The following NR3C2 variants were observed in gnomAD, a reference collection of about 807,000 sequenced individuals.
The protein encoded by NR3C2 is mineralocorticoid receptor.
Under a neutral mutation model 86.4 loss-of-function variants are expected in NR3C2, and 15 were observed. The ratio of observed to expected loss-of-function variants is 0.17; its 90% CI spans 0.12 to 0.27. The LOEUF (loss-of-function observed/expected upper bound fraction) is 0.27, where lower values mean the gene tolerates loss of function less well. Among genes scored for constraint, NR3C2 ranks in the 10% least tolerant of loss-of-function variants. The pLI is 1.00. For synonymous variants in NR3C2, 458 were observed against 450.5 expected, an observed-to-expected ratio of 1.02 and a Z score of -0.21; for missense variants, 960 against 1,195.6, an observed-to-expected ratio of 0.80 and a Z score of 2.91.
chr4:148,190,430 T>G (rs1368871497), intron 4 of NR3C2, among the ~76,000 whole-genome samples: 1 of 152,232 alleles, frequency 6.6e-6, no homozygotes, highest in East Asian at 1.9e-4. Flanking sequence ...TTAAATTTAT[T>G]GAGGCTTGTT....
chr4:148,437,001 T>C (rs1750114455), intron 1 of NR3C2, 139 bp from the exon 2 acceptor site: 1 of 728,716 alleles, frequency 1.4e-6, no homozygotes, highest in Admixed American at 2.6e-5. Flanking sequence ...TTTAAAACTG[T>C]TACCTTTTTG....
chr4:148,226,768 G>T (rs1738189702), intron 3 of NR3C2, among the ~76,000 whole-genome samples: 2 of 152,052 alleles, frequency 1.3e-5, no homozygotes. Context: ...CTTTATCATT[G>T]ATTTCTGGAG....
chr4:148,261,585 T>G (rs913492862), intron 2 of NR3C2, among the ~76,000 whole-genome samples: 1 of 151,750 alleles, frequency 6.6e-6, no homozygotes, highest in African/African-American at 2.4e-5. Context: ...AGAGCCAGAG[T>G]AAGAAAGGGG....
intron 3 of NR3C2, among the ~76,000 whole-genome samples, chr4:148,251,480 G>A (rs554501538): frequency 6.6e-6 from 1 of 152,298 alleles, no homozygotes; most frequent in South Asian, 2.1e-4. Context: ...GCAGCTTCAT[G>A]TCCTAGGACT....
intron 1 of NR3C2, among the ~76,000 whole-genome samples, chr4:148,437,892 G>A (rs1306005141): frequency 5.3e-5 from 8 of 152,070 alleles, no homozygotes; most frequent in Non-Finnish European, 4.4e-5. Flanking sequence ...ATATCCATGC[G>A]CTCTATAGAT....
chr4:148,274,535 C>G (rs1229233452), intron 2 of NR3C2, among the ~76,000 whole-genome samples: 4 of 152,018 alleles, frequency 2.6e-5, no homozygotes, highest in African/African-American at 9.7e-5. Flanking sequence ...CAGCTCCCCC[C>G]TCGCTCTTGC....
chr4:148,153,224 C>T (rs963927080), intron 5 of NR3C2, among the ~76,000 whole-genome samples: 41 of 127,350 alleles, frequency 3.2e-4, no homozygotes, highest in Admixed American at 2.5e-3. Context: ...CTCATTCTGT[C>T]GCCCAGGCTG....
intron 3 of NR3C2, among the ~76,000 whole-genome samples, chr4:148,209,967 G>A (rs920014447): frequency 6.6e-6 from 1 of 152,194 alleles, no homozygotes; most frequent in Non-Finnish European, 1.5e-5. Flanking sequence ...TTGCTACAGA[G>A]CAATGTTCTC....
chr4:148,188,058 C>T (rs188717384), intron 4 of NR3C2, among the ~76,000 whole-genome samples: 24 of 152,250 alleles, frequency 1.6e-4, no homozygotes, highest in Admixed American at 1.2e-3. Flanking sequence ...TTCTCTACTA[C>T]GTTCCAATGG....
intron 2 of NR3C2, among the ~76,000 whole-genome samples, chr4:148,301,477 G>A (rs986490963): frequency 2.0e-5 from 3 of 152,168 alleles, no homozygotes; most frequent in African/African-American, 4.8e-5. Context: ...GATTGTAAAC[G>A]TTAATCTTGC....
chr4:148,444,890 G>T, upstream of NR3C2: 2 of 984,904 alleles, frequency 2.0e-6, no homozygotes, highest in Non-Finnish European at 2.4e-6. Flanking sequence ...TCCCGCGCCC[G>T]CCGCTCCGCA....
chr4:148,409,315 G>A (rs573747355), intron 2 of NR3C2, among the ~76,000 whole-genome samples: 1 of 151,902 alleles, frequency 6.6e-6, no homozygotes, highest in Non-Finnish European at 1.5e-5. Flanking sequence ...ACGTTTATTA[G>A]CCTTTTATAT....
intron 2 of NR3C2, among the ~76,000 whole-genome samples, chr4:148,357,844 G>A (rs1446635647): frequency 3.3e-5 from 5 of 152,146 alleles, no homozygotes; most frequent in Non-Finnish European, 5.9e-5. Flanking sequence ...AAGGTTTGAT[G>A]AGGAGGGTTA....
intron 2 of NR3C2, among the ~76,000 whole-genome samples, chr4:148,336,945 T>C (rs1352861124): frequency 6.6e-6 from 1 of 151,990 alleles, no homozygotes; most frequent in African/African-American, 2.4e-5. Context: ...GCATATGCCA[T>C]TGTGCCTGAC....
intron 2 of NR3C2, among the ~76,000 whole-genome samples, chr4:148,355,543 G>A (rs1034978164): frequency 6.6e-6 from 1 of 152,048 alleles, no homozygotes; most frequent in African/African-American, 2.4e-5. Flanking sequence ...AATTTCCCAG[G>A]CAGTGCCACC....
At chr4:148,276,275 T>C (rs368125649) in intron 2 of NR3C2, among the ~76,000 whole-genome samples, 2 of 152,324 alleles carry the variant, frequency 1.3e-5, no homozygotes, top group African/African-American at 4.8e-5. Context: ...ATTCTGCATA[T>C]AAATTAGGAA....
At chr4:148,383,366 A>C (rs1747096743) in intron 2 of NR3C2, among the ~76,000 whole-genome samples, 1 of 152,198 alleles carries the variant, frequency 6.6e-6, no homozygotes, top group Non-Finnish European at 1.5e-5. Context: ...CCTATGCTCC[A>C]GTTTGTAGTA....
chr4:148,187,017 TATATATA>T (rs1274526855), intron 4 of NR3C2, among the ~76,000 whole-genome samples: 1 of 84,788 alleles, frequency 1.2e-5, no homozygotes, highest in Non-Finnish European at 2.6e-5. Context: ...TATATATATA[TATATATA>T]TATATATATA....
At chr4:148,178,998 C>A (rs1043548178) in intron 4 of NR3C2, among the ~76,000 whole-genome samples, 2 of 149,626 alleles carry the variant, frequency 1.3e-5, no homozygotes, top group African/African-American at 4.9e-5. Flanking sequence ...AAATTGAAAG[C>A]CTCTTATATC....
Sources: allele counts gnomAD v4.1 joint callset (sites outside exome capture counted in the v4.1 genomes callset), GRCh38; gene constraint gnomAD v4.1.1; transcripts MANE v1.5; gene names NCBI Gene and HGNC (gene_info 2026-07-23, HGNC 2026-07-21).